The following MACF1 variants were observed in gnomAD, a reference collection of about 807,000 sequenced individuals.
The protein encoded by MACF1 is microtubule actin crosslinking factor 1.
A neutral mutation model predicts 854.8 loss-of-function variants in MACF1; 193 were observed. That is an observed-to-expected ratio of 0.23 (90% confidence interval 0.20 to 0.25). MACF1 has a LOEUF of 0.25. Among genes scored for constraint, MACF1 ranks in the 10% least tolerant of loss-of-function variants. The pLI is 1.00. For synonymous variants in MACF1, 3,185 were observed against 3,226.7 expected, an observed-to-expected ratio of 0.99 and a Z score of 0.44; for missense variants, 7,722 against 8,929.1, an observed-to-expected ratio of 0.86 and a Z score of 5.45.
At chr1:39,295,632 G>T (rs947518398) in intron 19 of MACF1, among the ~76,000 whole-genome samples, 155 bp from the exon 20 acceptor site, 1 of 152,212 alleles carries the variant, frequency 6.6e-6, no homozygotes, top group Non-Finnish European at 1.5e-5. Flanking sequence ...CCTCTTACTC[G>T]TGGGAAGCAT....
intron 21 of MACF1, 72 bp downstream of exon 21, chr1:39,297,817 A>G (rs1557572304): frequency 3.2e-6 from 5 of 1,568,204 alleles, no homozygotes; most frequent in African/African-American, 1.4e-5. Flanking sequence ...TGCTGTTTAT[A>G]TCCTTGAAAG....
chr1:39,129,387 G>A (rs1322128061), intron 2 of MACF1, among the ~76,000 whole-genome samples: 1 of 152,176 alleles, frequency 6.6e-6, no homozygotes, highest in African/African-American at 2.4e-5. Flanking sequence ...CTGGCGTATT[G>A]CAGAGAGAAG....
chr1:39,129,123 C>CT (rs1642932632), intron 2 of MACF1, among the ~76,000 whole-genome samples: 1 of 152,116 alleles, frequency 6.6e-6, no homozygotes, highest in Non-Finnish European at 1.5e-5. Flanking sequence ...AGCCGGAAGC[C>CT]TAAGGGAACA....
intron 68 of MACF1, among the ~76,000 whole-genome samples, chr1:39,434,044 C>T (rs1643920740): frequency 6.6e-6 from 1 of 152,152 alleles, no homozygotes. Context: ...CGCGCCAGTG[C>T]ACTCCAGCCT....
rs569682862 is a variant in MACF1, at chr1:39,349,714, C to G, written c.10965+87C>G. On this transcript the variant is annotated intron_variant, in intron 42 of 100. Coordinates refer to ENST00000564288, the MANE Select transcript of MACF1 (RefSeq NM_001394062.1). The stretch of plus-strand genomic sequence containing the variant: ...GTGGTGTTATCTTGGCTCACTGCAG[C>G]TTCGATCTCCTGGGCTCAGGCAATC... 2.9e-6 allele frequency: 4 copies of G among 1,385,338 alleles called. No individual in the cohort carries two copies. In the African/African-American group the frequency reaches 5.7e-5, roughly 20 times the overall value. The allele number at this position is 1,385,338 out of a possible 1,614,324, so 85.8% of individuals were successfully genotyped here.
intron 1 of MACF1, among the ~76,000 whole-genome samples, chr1:39,213,762 A>G (rs1644544729): frequency 6.6e-6 from 1 of 152,124 alleles, no homozygotes; most frequent in South Asian, 2.1e-4. Context: ...GGCAAATTCT[A>G]GGAGGACCCT....
rs746955922 is a variant in MACF1, at chr1:39,406,756, A to AAAAAAAAAAAAAAAAC, written c.15817-15616_15817-15615insAAAAAAAAAAAAACAA. Among the ~76,000 whole-genome samples, 192 of 116,020 alleles carry AAAAAAAAAAAAAAAAC rather than the reference A, an allele frequency of 1.7e-3. 14 individuals carry two copies. Among genetic ancestry groups the AAAAAAAAAAAAAAAAC allele is most frequent in the African/African-American group, 4.4e-3 (115 of 26,058 alleles). 76.1% of individuals were successfully genotyped at this position (116,020 alleles called of 152,430 possible). On this transcript the variant is annotated intron_variant, in intron 58 of 100. Transcript: ENST00000564288. ...TCTCACTCAAAAAAAAAAAAAAAAA[A>AAAAAAAAAAAAAAAAC]AACATTCTTTATAATAGAATAACCA...
At chr1:39,374,830 G>A (rs1649569699) in intron 52 of MACF1, among the ~76,000 whole-genome samples, 1 of 152,154 alleles carries the variant, frequency 6.6e-6, no homozygotes, top group African/African-American at 2.4e-5. Context: ...TTTGTTGGCT[G>A]CCGGGCGCAG....
At chr1:39,241,841 A>C (rs1263741207) in intron 2 of MACF1, among the ~76,000 whole-genome samples, 1 of 152,082 alleles carries the variant, frequency 6.6e-6, no homozygotes, top group Non-Finnish European at 1.5e-5. Context: ...CAGCTCTGAT[A>C]CTTTCCAGCT....
intron 58 of MACF1, among the ~76,000 whole-genome samples, chr1:39,406,710 A>C (rs1338391865): frequency 7.4e-6 from 1 of 135,686 alleles, no homozygotes; most frequent in African/African-American, 2.7e-5. Flanking sequence ...ACTCCAGTCT[A>C]GGCGACAGAG....
intron 58 of MACF1, among the ~76,000 whole-genome samples, chr1:39,401,394 A>G (rs1393078907): frequency 6.6e-6 from 1 of 152,212 alleles, no homozygotes; most frequent in Admixed American, 6.5e-5. Context: ...AATGGCAACT[A>G]CTAAGTCAGC....
intron 79 of MACF1, among the ~76,000 whole-genome samples, chr1:39,444,365 G>T (rs1644182274): frequency 6.6e-6 from 1 of 152,044 alleles, no homozygotes; most frequent in Non-Finnish European, 1.5e-5. Context: ...TTCTATGGGT[G>T]ATAAAATTAT....
chr1:39,106,027 G>C (rs1642225690), intron 2 of MACF1, among the ~76,000 whole-genome samples: 1 of 152,210 alleles, frequency 6.6e-6, no homozygotes, highest in African/African-American at 2.4e-5. Flanking sequence ...GGGAGTTGCT[G>C]GGGAGGAGGA....
chr1:39,399,857 T>C (rs965411123), intron 58 of MACF1, among the ~76,000 whole-genome samples: 8 of 152,254 alleles, frequency 5.3e-5, no homozygotes, highest in African/African-American at 1.9e-4. Flanking sequence ...CATATTGGTA[T>C]ATACACAGTT....
chr1:39,441,164 G>C (rs962511254), intron 73 of MACF1, 39 bp downstream of exon 73: 1 of 1,614,038 alleles, frequency 6.2e-7, no homozygotes, highest in African/African-American at 1.3e-5. Flanking sequence ...TAGAACATTA[G>C]TGGGCCCAGA....
Position 39,388,471 on chromosome 1 carries a change from G to A in MACF1, c.15629G>A (p.Gly5210Asp). Residue 5210 changes from glycine (G) to aspartate (D), a missense_variant, in exon 58 of 101, where the codon GGC becomes GAC. Gly to Asp is a moderately conservative substitution (Grantham distance 94). Transcript: ENST00000564288. ...CTAGAAGCCCTGAACAAACAGTGTGGCAAACTGACAGAGAGGGGGAAAGCT... is the reference window on the plus strand; with the variant it reads ...CTAGAAGCCCTGAACAAACAGTGTGACAAACTGACAGAGAGGGGGAAAGCT... ...RELEALNKQC[G>D]KLTERGKARQ... 6.2e-7 allele frequency: 1 copy of A among 1,614,116 alleles called. No homozygotes were observed. Among genetic ancestry groups the A allele is most frequent in the Non-Finnish European group, 8.5e-7 (1 of 1,180,010 alleles).
chr1:39,483,146 G>A (rs1645047201), intron 99 of MACF1, among the ~76,000 whole-genome samples: 1 of 141,338 alleles, frequency 7.1e-6, no homozygotes. Flanking sequence ...TTTTCCTCCA[G>A]TTAAGCCTAC....
In MACF1 at chr1:39,461,812, AAAAAAAT is replaced by A; in HGVS notation, c.21524-70_21524-64del. 6.7e-6 allele frequency: 7 copies of A among 1,039,794 alleles called. No homozygotes were observed. In the African/African-American group the frequency reaches 8.3e-5, roughly 12 times the overall value. 64.4% of individuals were successfully genotyped at this position (1,039,794 alleles called of 1,614,324 possible). On this transcript the variant is annotated intron_variant, in intron 92 of 100. Coordinates refer to ENST00000564288, the MANE Select transcript of MACF1 (RefSeq NM_001394062.1). ...GTCTCAAAAAAAAAAAAAAAAAAAAAAAAAAATCTATAACCGCCAACCGAACAAGTAC... is the reference window on the plus strand; with the variant it reads ...GTCTCAAAAAAAAAAAAAAAAAAAAACTATAACCGCCAACCGAACAAGTAC...
At chr1:39,254,522 A>G (rs373606474) in intron 5 of MACF1, 147 bp downstream of exon 5, 9 of 669,554 alleles carry the variant, frequency 1.3e-5, no homozygotes, top group East Asian at 2.6e-5. Context: ...CTAGTGAGCA[A>G]TTGTATTCTG....
Sources: gnomAD v4.1 joint callset for allele counts (sites outside exome capture counted in the v4.1 genomes callset) on GRCh38, gnomAD v4.1.1 for gene constraint, MANE v1.5 for transcripts, NCBI Gene and HGNC (gene_info 2026-07-23, HGNC 2026-07-21) for gene names.